The following MYOF variants were observed in gnomAD, a reference collection of about 807,000 sequenced individuals.
MYOF encodes fer-1-like 3, myoferlin.
Under a neutral mutation model 284.2 loss-of-function variants are expected in MYOF, and 244 were observed. The ratio of observed to expected loss-of-function variants is 0.86; its 90% CI spans 0.77 to 0.95. MYOF has a LOEUF of 0.95. Ranked by LOEUF, MYOF falls within the 40% of genes least tolerant of loss-of-function variation. The pLI is 0.00. For synonymous variants in MYOF, 904 were observed against 919.7 expected, an observed-to-expected ratio of 0.98 and a Z score of 0.31; for missense variants, 2,496 against 2,560.6, an observed-to-expected ratio of 0.97 and a Z score of 0.54.
At chr10:93,347,571 A>AAAAAAAAAAAAAT in intron 37 of MYOF, 46 bp downstream of exon 37, 1 of 1,469,972 alleles carries the variant, frequency 6.8e-7, no homozygotes, top group South Asian at 1.5e-5. Flanking sequence ...AAAAAAAAAA[A>AAAAAAAAAAAAAT]AAAAAAAGAA....
chr10:93,307,188 A>ACCC lies in MYOF; in HGVS notation c.6148-190_6148-188dup, dbSNP rs71028899. ...CCTCTACCCACCGAGTGCCAGTAGC[A>ACCC]CCCCCCCGCCAAGTTGTTGCAACCA... is the stretch of plus-strand genomic sequence containing the variant. On this transcript the variant is annotated intron_variant, in intron 53 of 53. Coordinates refer to ENST00000359263, the MANE Select transcript of MYOF (RefSeq NM_013451.4). 2.3e-3 allele frequency among the ~76,000 whole-genome samples: 255 copies of ACCC among 112,038 alleles called. 2 individuals are homozygous for ACCC. The South Asian group carries it at 0.028, about 12-fold the overall frequency. 73.5% of individuals were successfully genotyped at this position (112,038 alleles called of 152,430 possible).
intron 53 of MYOF, among the ~76,000 whole-genome samples, chr10:93,308,043 G>A (rs531310571): frequency 2.0e-5 from 3 of 148,604 alleles, no homozygotes; most frequent in African/African-American, 7.4e-5. Flanking sequence ...AGGAGTTGGA[G>A]ACCAGCCTGG....
intron 5 of MYOF, among the ~76,000 whole-genome samples, chr10:93,413,565 C>A (rs1417415678): frequency 6.6e-6 from 1 of 152,212 alleles, no homozygotes; most frequent in East Asian, 1.9e-4. Context: ...CTACAAAGAG[C>A]AACTCTTTCA....
intron 37 of MYOF, 137 bp from the exon 38 acceptor site, chr10:93,344,069 A>T: frequency 1.2e-6 from 1 of 806,476 alleles, no homozygotes. Flanking sequence ...AATAGAGAGG[A>T]CAACTCCTGA....
chr10:93,364,471 AG>A (rs1169482870), intron 26 of MYOF, among the ~76,000 whole-genome samples: 1 of 152,228 alleles, frequency 6.6e-6, no homozygotes, highest in African/African-American at 2.4e-5. Context: ...TCAAAAGAAA[AG>A]GGAGCTGTCC....
chr10:93,400,690 G>C (rs922013066), intron 12 of MYOF, among the ~76,000 whole-genome samples: 2 of 152,036 alleles, frequency 1.3e-5, no homozygotes, highest in Admixed American at 6.6e-5. Flanking sequence ...CAAATAGGAG[G>C]CTGGGCCATC....
At position 93,409,652 on chromosome 10, in the gene MYOF, G is replaced by A. The variant is rs759907009; in HGVS notation, c.521C>T (p.Ser174Leu). 49 of 1,614,056 alleles carry A rather than the reference G, an allele frequency of 3.0e-5. No individual in the cohort carries two copies. The highest frequency in any genetic ancestry group is 4.0e-5 in the Non-Finnish European group (47 of 1,180,042). ...GAGCCTCCGAGCAAGCTGAGCTTCC[G>A]ACACCGTCCCAACTGGCCCCTTGGG... ...PGPKGPVGTV[S>L]EAQLARRLTK... The change falls in exon 6 of 54, where the codon TCG becomes TTG. Residue 174 changes from serine (S) to leucine (L), a missense_variant. Transcript: ENST00000359263.
At chr10:93,397,113 C>A in intron 15 of MYOF, 134 bp downstream of exon 15, 4 of 668,830 alleles carry the variant, frequency 6.0e-6, no homozygotes, top group Non-Finnish European at 9.2e-6. Flanking sequence ...TAAGAAACGC[C>A]CAGTTCCAGG....
intron 43 of MYOF, among the ~76,000 whole-genome samples, chr10:93,332,844 T>TAA (rs748680482): frequency 1.3e-4 from 20 of 151,080 alleles, no homozygotes; most frequent in Non-Finnish European, 2.2e-4. Flanking sequence ...GACTCTGTCT[T>TAA]AAAAAAAAAT....
At chr10:93,360,202 C>T (rs1845002532) in intron 28 of MYOF, among the ~76,000 whole-genome samples, 1 of 152,226 alleles carries the variant, frequency 6.6e-6, no homozygotes, top group African/African-American at 2.4e-5. Flanking sequence ...ATGTTCTCCC[C>T]TACTTTTATG....
At chr10:93,442,041 C>CACACAGAGAG (rs57700900) in intron 3 of MYOF, among the ~76,000 whole-genome samples, 1,966 of 142,528 alleles carry the variant, frequency 0.014, 17 homozygotes, top group Non-Finnish European at 0.021. Context: ...CACACACACA[C>CACACAGAGAG]AGAATAAACC....
chr10:93,437,727 G>A (rs1449794353), intron 3 of MYOF, among the ~76,000 whole-genome samples: 2 of 152,182 alleles, frequency 1.3e-5, no homozygotes, highest in Non-Finnish European at 2.9e-5. Flanking sequence ...GGGGCTCTCA[G>A]TTGGCCGTGC....
intron 27 of MYOF, among the ~76,000 whole-genome samples, chr10:93,363,520 G>A (rs1036185228): frequency 2.6e-5 from 4 of 152,152 alleles, no homozygotes; most frequent in African/African-American, 9.7e-5. Flanking sequence ...TAAAAAATTA[G>A]TCCAGCATGG....
rs180924019 is a variant in MYOF at position 93,318,565 on chromosome 10, C to T, written c.5598+1307G>A. 2.6e-5 allele frequency among the ~76,000 whole-genome samples: 4 copies of T among 152,214 alleles called. No homozygotes were observed. The East Asian group carries it at 5.8e-4, about 22-fold the overall frequency. On this transcript the variant is annotated intron_variant, in intron 49 of 53. Transcript: ENST00000359263. Reference sequence around the variant, plus strand: ...CCTGAGGTCAGGAGTTCAAGACCAGCCTGACCAACACGGAGAAACCCCGTC... The same window carrying T: ...CCTGAGGTCAGGAGTTCAAGACCAGTCTGACCAACACGGAGAAACCCCGTC...
Position 93,356,725 on chromosome 10 carries a change from G to A in MYOF, c.3244C>T (p.Pro1082Ser), listed in dbSNP as rs200778017. 395 of 1,613,974 alleles carry A rather than the reference G, an allele frequency of 2.4e-4. 1 individual carries two copies. The highest frequency in any genetic ancestry group is 3.1e-4 in the Non-Finnish European group (365 of 1,180,022). Residue 1082 changes from proline to serine, a missense_variant, in exon 30 of 54, where the codon CCT (proline) becomes TCT (serine). Physicochemically the swap from Pro to Ser is moderately conservative, Grantham distance 74. Coordinates refer to ENST00000359263, the MANE Select transcript of MYOF (RefSeq NM_013451.4). The part of the protein sequence containing the change: ...RRRRWRRKMA[P>S]SETHGAAAIF... ...GCAGCTGCACCATGTGTTTCTGAAG[G>A]AGCCATTTTTCTCCTCCAGCGTCTG...
intron 4 of MYOF, among the ~76,000 whole-genome samples, chr10:93,430,188 C>G (rs986891165): frequency 2.0e-5 from 3 of 151,900 alleles, no homozygotes; most frequent in African/African-American, 4.8e-5. Context: ...CCCGCCTCAG[C>G]CTCCCAAAGT....
At chr10:93,348,763 G>T (rs1340653655) in intron 36 of MYOF, among the ~76,000 whole-genome samples, 2 of 152,102 alleles carry the variant, frequency 1.3e-5, no homozygotes, top group Non-Finnish European at 2.9e-5. Flanking sequence ...GTGTAAATCT[G>T]TTACCTCTTG....
chr10:93,331,735 C>T (rs986288138), intron 43 of MYOF, among the ~76,000 whole-genome samples: 2 of 151,798 alleles, frequency 1.3e-5, no homozygotes, highest in Non-Finnish European at 2.9e-5. Context: ...CAGGTGTGTG[C>T]ATGTATGTGT....
chr10:93,370,751 T>G (rs548933189), intron 24 of MYOF, among the ~76,000 whole-genome samples: 1 of 152,364 alleles, frequency 6.6e-6, no homozygotes, highest in Admixed American at 6.5e-5. Flanking sequence ...AAAGCTCTTG[T>G]GCAATTTTTT....
Sources: allele counts gnomAD v4.1 joint callset (sites outside exome capture counted in the v4.1 genomes callset), GRCh38; gene constraint gnomAD v4.1.1; transcripts MANE v1.5; gene names NCBI Gene and HGNC (gene_info 2026-07-23, HGNC 2026-07-21).